Variants in ANO3 observed in about 807,000 individuals in gnomAD.
The protein encoded by ANO3 is anoctamin-3.
A neutral mutation model predicts 144.8 loss-of-function variants in ANO3; 99 were observed. The observed-to-expected ratio is 0.68, with a 90% CI of 0.58 to 0.81. The LOEUF is 0.81. Ranked by LOEUF, ANO3 falls within the 30% of genes least tolerant of loss-of-function variation. The pLI, the probability that ANO3 is intolerant of heterozygous loss-of-function variation, is 0.00. For synonymous variants in ANO3, 414 were observed against 392.6 expected, an observed-to-expected ratio of 1.05 and a Z score of -0.64; for missense variants, 905 against 1,202.2, an observed-to-expected ratio of 0.75 and a Z score of 3.66.
At chr11:26,363,013 T>A (rs1240013449) in intron 1 of ANO3, among the ~76,000 whole-genome samples, 1 of 152,200 alleles carries the variant, frequency 6.6e-6, no homozygotes, top group East Asian at 1.9e-4. Context: ...CTGTAGTGAG[T>A]GATGAGATCT....
chr11:26,498,275 T>C (rs1277882264), intron 4 of ANO3, among the ~76,000 whole-genome samples: 1 of 152,108 alleles, frequency 6.6e-6, no homozygotes, highest in East Asian at 1.9e-4. Flanking sequence ...TGAAGGTCTT[T>C]AGTTATAATA....
intron 11 of ANO3, among the ~76,000 whole-genome samples, chr11:26,543,311 C>T (rs1849692067): frequency 2.0e-5 from 3 of 151,964 alleles, no homozygotes; most frequent in Admixed American, 6.6e-5. Context: ...GTTCAACAAA[C>T]CCATCAGGAA....
chr11:26,395,234 C>T (rs1371259491), intron 1 of ANO3, among the ~76,000 whole-genome samples: 1 of 152,092 alleles, frequency 6.6e-6, no homozygotes, highest in East Asian at 1.9e-4. Context: ...GTTCTTTTTA[C>T]TTAGGATTGT....
At chr11:26,520,477 G>T (rs528469835) in intron 6 of ANO3, among the ~76,000 whole-genome samples, 8 of 152,050 alleles carry the variant, frequency 5.3e-5, no homozygotes, top group Non-Finnish European at 1.0e-4. Flanking sequence ...TATGATTATT[G>T]CATTGTGATC....
rs1451706368 is a variant in ANO3, at chr11:26,194,613, G to A, written c.154+5283G>A. Among the ~76,000 whole-genome samples the A allele has an allele frequency of 2.0e-5, 3 of 151,914 alleles. No individual in the cohort carries two copies. In the South Asian group the frequency reaches 6.2e-4, roughly 32 times the overall value. The stretch of plus-strand genomic sequence containing the variant: ...CCTCCCGGGTGCAAGGAATTCTCCT[G>A]CCTCAGCCTCCCGAGTAGCTGGGAT... On this transcript the variant is annotated intron_variant, in intron 1 of 27. Transcript: ENST00000672621.
chr11:26,217,002 C>T lies in ANO3; in HGVS notation c.154+27672C>T, dbSNP rs985910421. Among the ~76,000 whole-genome samples, 12 of 151,976 alleles carry T rather than the reference C, an allele frequency of 7.9e-5. No individual in the cohort carries two copies. In the South Asian group the frequency reaches 8.3e-4, roughly 11 times the overall value. On this transcript the variant is annotated intron_variant, in intron 1 of 27. Transcript: ENST00000672621. ...ATATTGTTCTGTAAATATTTTTCTCCGAATCTGTAGCTTATGCTTTCATTC... is the reference window on the plus strand; with the variant it reads ...ATATTGTTCTGTAAATATTTTTCTCTGAATCTGTAGCTTATGCTTTCATTC...
At chr11:26,434,309 T>C (rs1441661734) in intron 1 of ANO3, among the ~76,000 whole-genome samples, 1 of 152,164 alleles carries the variant, frequency 6.6e-6, no homozygotes, top group Admixed American at 6.5e-5. Context: ...TTTACATGAA[T>C]CATCTCTCTT....
intron 1 of ANO3, among the ~76,000 whole-genome samples, chr11:26,346,451 A>G (rs1855497456): frequency 6.6e-6 from 1 of 152,180 alleles, no homozygotes; most frequent in Non-Finnish European, 1.5e-5. Context: ...TTGTTTTACC[A>G]TCTCAAAAAG....
chr11:26,282,301 A>AT (rs1256242585), intron 1 of ANO3, among the ~76,000 whole-genome samples: 24 of 143,308 alleles, frequency 1.7e-4, no homozygotes, highest in South Asian at 1.3e-3. Context: ...ACAGGTTTTC[A>AT]TTTTTTTTGT....
At chr11:26,504,435 T>C (rs1304075507) in intron 4 of ANO3, among the ~76,000 whole-genome samples, 1 of 152,230 alleles carries the variant, frequency 6.6e-6, no homozygotes, top group African/African-American at 2.4e-5. Flanking sequence ...TAAAATACTA[T>C]GTAAACCAAA....
intron 1 of ANO3, among the ~76,000 whole-genome samples, chr11:26,407,976 A>G (rs1285766249): frequency 6.6e-6 from 1 of 152,036 alleles, no homozygotes; most frequent in Admixed American, 6.6e-5. Flanking sequence ...AATTAATTCA[A>G]GATGGATTAA....
At chr11:26,622,213 T>G (rs1852435531) in intron 17 of ANO3, among the ~76,000 whole-genome samples, 1 of 152,138 alleles carries the variant, frequency 6.6e-6, no homozygotes, top group Admixed American at 6.5e-5. Flanking sequence ...TTGTAATTTA[T>G]AACTTTTTTC....
chr11:26,653,732 G>T (rs1014174153), intron 24 of ANO3, among the ~76,000 whole-genome samples: 1 of 151,698 alleles, frequency 6.6e-6, no homozygotes, highest in Non-Finnish European at 1.5e-5. Flanking sequence ...ATACCCTCAC[G>T]GCTGCCTCTT....
chr11:26,599,438 G>T (rs1851730312), intron 16 of ANO3, 112 bp from the exon 17 acceptor site: 2 of 1,080,580 alleles, frequency 1.9e-6, no homozygotes, highest in East Asian at 2.4e-5. Context: ...ATCCTTTCTT[G>T]GAAAGGTAAA....
In ANO3 at chr11:26,430,246, C is replaced by CAA. The variant is rs752637742; in HGVS notation, c.47-11672_47-11671insAA. ...ACTGCACTCCAGCCCAAGCAACTGT[C>CAA]TAAAAAAAAAAAAAAGTAAGTCTTA... On this transcript the variant is annotated intron_variant, in intron 1 of 26. Coordinates refer to ENST00000256737, the MANE Select transcript of ANO3 (RefSeq NM_031418.4). 7.5e-3 allele frequency among the ~76,000 whole-genome samples: 509 copies of CAA among 67,846 alleles called. 5 individuals carry two copies. The highest frequency in any genetic ancestry group is 0.011 in the Non-Finnish European group (320 of 29,550). 44.5% of individuals were successfully genotyped at this position (67,846 alleles called of 152,430 possible).
chr11:26,520,189 T>C (rs1862016429), intron 6 of ANO3, among the ~76,000 whole-genome samples: 1 of 152,216 alleles, frequency 6.6e-6, no homozygotes, highest in Non-Finnish European at 1.5e-5. Context: ...GTGACCTTCC[T>C]TTGTATGAAT....
intron 1 of ANO3, among the ~76,000 whole-genome samples, chr11:26,247,763 C>G (rs1852830740): frequency 8.2e-6 from 1 of 121,936 alleles, no homozygotes; most frequent in South Asian, 2.9e-4. Flanking sequence ...GAGTCTCACA[C>G]TGTCGTCCAG....
intron 17 of ANO3, among the ~76,000 whole-genome samples, chr11:26,607,462 G>A (rs1851968204): frequency 6.6e-6 from 1 of 152,024 alleles, no homozygotes; most frequent in Non-Finnish European, 1.5e-5. Flanking sequence ...CCAATCAATT[G>A]TAGGCTCTGT....
At chr11:26,316,984 C>T (rs1854640851) in intron 1 of ANO3, among the ~76,000 whole-genome samples, 1 of 152,140 alleles carries the variant, frequency 6.6e-6, no homozygotes, top group Non-Finnish European at 1.5e-5. Flanking sequence ...AGGGGGTCCC[C>T]CTACACCTAG....
Sources: allele counts gnomAD v4.1 joint callset (sites outside exome capture counted in the v4.1 genomes callset), GRCh38; gene constraint gnomAD v4.1.1; transcripts MANE v1.5; gene names NCBI Gene and HGNC (gene_info 2026-07-23, HGNC 2026-07-21).